DIP2B: variants seen among roughly 807,000 people sequenced by gnomAD.
DIP2B encodes the protein DIP2 acetate--CoA ligase B (putative).
In DIP2B, 76 loss-of-function variants were observed where a neutral mutation model predicts 198.0. That is an observed-to-expected ratio of 0.38 (90% CI 0.32 to 0.46). The LOEUF (loss-of-function observed/expected upper bound fraction) is 0.46, where lower values mean the gene tolerates loss of function less well. DIP2B is among the 20% of genes least tolerant of loss of function. DIP2B has a pLI of 0.99. For synonymous variants in DIP2B, 701 were observed against 739.1 expected, an observed-to-expected ratio of 0.95 and a Z score of 0.84; for missense variants, 1,559 against 1,978.4, an observed-to-expected ratio of 0.79 and a Z score of 4.02.
chr12:50,631,250 C>T (rs1257235447), intron 2 of DIP2B, among the ~76,000 whole-genome samples: 1 of 149,642 alleles, frequency 6.7e-6, no homozygotes, highest in East Asian at 2.0e-4. Context: ...TTTTTTGAGA[C>T]GGAGTCTCCC....
At chr12:50,595,884 C>T (rs1248285494) in intron 1 of DIP2B, among the ~76,000 whole-genome samples, 1 of 152,212 alleles carries the variant, frequency 6.6e-6, no homozygotes, top group Non-Finnish European at 1.5e-5. Flanking sequence ...CCCACCGTCT[C>T]CTCCTCCACT....
chr12:50,630,820 T>C (rs2139475910), intron 2 of DIP2B, among the ~76,000 whole-genome samples: 1 of 151,866 alleles, frequency 6.6e-6, no homozygotes, highest in East Asian at 1.9e-4. Flanking sequence ...TACAGGCATG[T>C]GCCACCATGC....
chr12:50,716,958 C>CTTTTTTTTTTTTTTGTTTT (rs1939732837), intron 23 of DIP2B, among the ~76,000 whole-genome samples: 1 of 58,924 alleles, frequency 1.7e-5, no homozygotes, highest in East Asian at 7.7e-4. Flanking sequence ...CGAATTGTTG[C>CTTTTTTTTTTTTTTGTTTT]TTTTTTTTTT....
At chr12:50,741,694 C>T (rs1940247361) in intron 37 of DIP2B, among the ~76,000 whole-genome samples, 155 bp downstream of exon 37, 2 of 152,166 alleles carry the variant, frequency 1.3e-5, no homozygotes, top group East Asian at 1.9e-4. Context: ...CTTGGGTGTG[C>T]AATCTGCTGT....
At chr12:50,629,694 T>C (rs1042854361) in intron 2 of DIP2B, among the ~76,000 whole-genome samples, 1 of 152,124 alleles carries the variant, frequency 6.6e-6, no homozygotes, top group Non-Finnish European at 1.5e-5. Context: ...AATTTAAATT[T>C]ATGACTTCTG....
chr12:50,700,005 T>C (rs1260682243), intron 19 of DIP2B, among the ~76,000 whole-genome samples: 1 of 152,190 alleles, frequency 6.6e-6, no homozygotes, highest in Non-Finnish European at 1.5e-5. Context: ...CCAATTATGC[T>C]CAGTTACTAA....
intron 7 of DIP2B, among the ~76,000 whole-genome samples, chr12:50,677,215 G>GCCC (rs1565867573): frequency 8.5e-5 from 13 of 152,110 alleles, no homozygotes; most frequent in African/African-American, 2.9e-4. Context: ...CACTTCTCAC[G>GCCC]CACTGCTCAT....
At chr12:50,711,616 C>CA (rs1939617734) in intron 22 of DIP2B, among the ~76,000 whole-genome samples, 1 of 152,178 alleles carries the variant, frequency 6.6e-6, no homozygotes, top group East Asian at 1.9e-4. Flanking sequence ...GGCTGGAGTA[C>CA]AGTGGCACGA....
At chr12:50,589,139 G>A (rs1457167691) in intron 1 of DIP2B, among the ~76,000 whole-genome samples, 5 of 151,544 alleles carry the variant, frequency 3.3e-5, no homozygotes, top group East Asian at 1.9e-4. Flanking sequence ...AGCCAAGATC[G>A]CGCCACTGCA....
chr12:50,739,328 A>G (rs1487627876), intron 35 of DIP2B, 81 bp from the exon 36 acceptor site: 1 of 1,495,944 alleles, frequency 6.7e-7, no homozygotes, highest in African/African-American at 1.4e-5. Flanking sequence ...TGAGATTTAA[A>G]AAATCAAAAT....
chr12:50,678,716 A>G lies in DIP2B; in HGVS notation c.954A>G (p.Gly318=). 6.2e-7 allele frequency: 1 copy of G among 1,614,166 alleles called. No individual in the cohort carries two copies. Among genetic ancestry groups the G allele is most frequent in the African/African-American group, 1.3e-5 (1 of 75,042 alleles). Residue 318 remains glycine (G), a synonymous_variant, in exon 8 of 38, where the codon GGA becomes GGG. Transcript: ENST00000301180. ...ACCCCAACCAGCCCAAGCCGGAGGG[A>G]CGGCAGATGACCCCTGTGAAAGGAG... is the stretch of plus-strand genomic sequence containing the variant. ...QPDPNQPKPE[G]RQMTPVKGEP...
chr12:50,721,107 C>G (rs1014749157), intron 25 of DIP2B, among the ~76,000 whole-genome samples, 166 bp from the exon 26 acceptor site: 8 of 152,202 alleles, frequency 5.3e-5, no homozygotes, highest in African/African-American at 1.7e-4. Context: ...CCCTGTCCAG[C>G]CCCACACGTC....
chr12:50,564,932 A>G (rs1338496028), intron 1 of DIP2B, among the ~76,000 whole-genome samples: 1 of 152,196 alleles, frequency 6.6e-6, no homozygotes, highest in Non-Finnish European at 1.5e-5. Context: ...TATATGACAT[A>G]GAATAGTAAT....
At chr12:50,721,046 C>T (rs548167822) in intron 25 of DIP2B, among the ~76,000 whole-genome samples, 10 of 152,170 alleles carry the variant, frequency 6.6e-5, no homozygotes, top group Admixed American at 5.9e-4. Context: ...TGGGCTCAAG[C>T]AGTGCTCCCA....
At chr12:50,542,385 TG>T (rs1958334804) in intron 1 of DIP2B, among the ~76,000 whole-genome samples, 1 of 152,226 alleles carries the variant, frequency 6.6e-6, no homozygotes, top group Non-Finnish European at 1.5e-5. Context: ...TGCATATTTC[TG>T]TAATAGTTTT....
chr12:50,694,781 C>CA (rs1373347673), intron 14 of DIP2B, among the ~76,000 whole-genome samples: 1 of 150,228 alleles, frequency 6.7e-6, no homozygotes, highest in Non-Finnish European at 1.5e-5. Context: ...TTTGTAGTAG[C>CA]AAAAAATTGT....
At chr12:50,599,284 C>T (rs1200585896) in intron 1 of DIP2B, among the ~76,000 whole-genome samples, 2 of 144,422 alleles carry the variant, frequency 1.4e-5, no homozygotes, top group Admixed American at 1.4e-4. Context: ...AGAGTGAGAC[C>T]CTGTCTCAAA....
intron 1 of DIP2B, among the ~76,000 whole-genome samples, chr12:50,509,699 A>G (rs1484063215): frequency 2.0e-5 from 3 of 152,106 alleles, no homozygotes; most frequent in Admixed American, 6.6e-5. Flanking sequence ...GAGATGTTGG[A>G]TAAAGATTTT....
At chr12:50,610,519 T>TG in intron 1 of DIP2B, among the ~76,000 whole-genome samples, 1 of 151,850 alleles carries the variant, frequency 6.6e-6, no homozygotes, top group Middle Eastern at 3.4e-3. Flanking sequence ...TCTTTTTTTT[T>TG]TTGGAGACAG....
Sources: allele counts gnomAD v4.1 joint callset (sites outside exome capture counted in the v4.1 genomes callset), GRCh38; gene constraint gnomAD v4.1.1; transcripts MANE v1.5; gene names NCBI Gene and HGNC (gene_info 2026-07-23, HGNC 2026-07-21).